STK32A: variants seen among roughly 807,000 people sequenced by gnomAD.
STK32A encodes serine/threonine kinase 32A.
A neutral mutation model predicts 53.2 loss-of-function variants in STK32A; 41 were observed. The ratio of observed to expected loss-of-function variants is 0.77; its 90% confidence interval spans 0.60 to 1.00. The LOEUF (loss-of-function observed/expected upper bound fraction) is 1.00. Ranked by LOEUF, STK32A falls within the 50% of genes least tolerant of loss-of-function variation. The pLI, the probability that STK32A is intolerant of heterozygous loss-of-function variation, is 0.00. For missense variants in STK32A, 458 were observed against 485.8 expected, an observed-to-expected ratio of 0.94 and a Z score of 0.54; for synonymous variants, 166 against 162.8, an observed-to-expected ratio of 1.02 and a Z score of -0.15.
At chr5:147,397,322 G>A in the STK32A span, among the ~76,000 whole-genome samples, 5 of 151,592 alleles carry the variant, frequency 3.3e-5, no homozygotes, top group African/African-American at 4.9e-5. Flanking sequence ...GGGATGTGTC[G>A]GTGTGGATTC....
At chr5:147,294,948 G>A (rs1752798661) in intron 4 of STK32A, among the ~76,000 whole-genome samples, 1 of 152,174 alleles carries the variant, frequency 6.6e-6, no homozygotes, top group Admixed American at 6.5e-5. Flanking sequence ...CTCCCAAAGT[G>A]CTGGGATAAC....
intron 4 of STK32A, among the ~76,000 whole-genome samples, chr5:147,298,641 G>C (rs9285666): frequency 6.6e-6 from 1 of 151,680 alleles, no homozygotes; most frequent in East Asian, 1.9e-4. Flanking sequence ...TAAAAACTAC[G>C]CTTGTTTTTT....
intron 11 of STK32A, among the ~76,000 whole-genome samples, chr5:147,378,049 T>A (rs1022975893): frequency 6.6e-6 from 1 of 152,176 alleles, no homozygotes; most frequent in South Asian, 2.1e-4. Flanking sequence ...ACATTAAGGC[T>A]TTTAAAACAT....
chr5:147,312,537 C>T (rs745975749), intron 4 of STK32A, among the ~76,000 whole-genome samples: 1 of 152,144 alleles, frequency 6.6e-6, no homozygotes, highest in Non-Finnish European at 1.5e-5. Context: ...TGGATAAACA[C>T]ACAAAATACA....
chr5:147,249,252 C>T lies in STK32A; in HGVS notation c.52+9566C>T, dbSNP rs1017356118. ...GAGAACCTAGGTAAGTGACTTACCT[C>T]TCTGATCCCCCATTTTCTCATATGT... On this transcript the variant is annotated intron_variant, in intron 2 of 12. Transcript: ENST00000397936. Among the ~76,000 whole-genome samples the T allele has an allele frequency of 2.0e-5, 3 of 152,092 alleles. No individual in the cohort carries two copies. In the South Asian group the frequency reaches 6.2e-4, roughly 32 times the overall value.
intron 4 of STK32A, 106 bp from the exon 5 acceptor site, chr5:147,323,792 C>T: frequency 2.0e-6 from 2 of 983,828 alleles, no homozygotes; most frequent in Admixed American, 2.7e-5. Flanking sequence ...AGTCTGAGCT[C>T]TTAGCTCAAG....
chr5:147,249,042 G>A (rs1401422427), intron 2 of STK32A, among the ~76,000 whole-genome samples: 1 of 152,256 alleles, frequency 6.6e-6, no homozygotes, highest in East Asian at 1.9e-4. Flanking sequence ...ACTCTCTGTG[G>A]ACAAGTAGCA....
intron 11 of STK32A, among the ~76,000 whole-genome samples, chr5:147,378,859 TTTTTTTTTTTTTTTTTTTTTTTG>T (rs1757339499): frequency 8.0e-6 from 1 of 124,716 alleles, no homozygotes; most frequent in Non-Finnish European, 1.7e-5. Context: ...TTTTTTTTTT[TTTTTTTTTTTTTTTTTTTTTTTG>T]CTTAGGATTG....
rs925040610 is a variant in STK32A, at chr5:147,350,155, C to A, written c.473-910C>A. 3.9e-4 allele frequency among the ~76,000 whole-genome samples: 46 copies of A among 118,390 alleles called. 1 individual carries two copies. The highest frequency in any genetic ancestry group is 1.3e-3 in the African/African-American group (42 of 31,386). 77.7% of individuals were successfully genotyped at this position (118,390 alleles called of 152,430 possible). ...AATTTAAAAAAAACCTAAAGTTAAA[C>A]CCCGCCCCCCACCCACCGCCCCCCG... On this transcript the variant is annotated intron_variant, in intron 6 of 12. Coordinates refer to ENST00000397936, the MANE Select transcript of STK32A (RefSeq NM_001112724.2).
chr5:147,257,387 T>A (rs185818340), intron 2 of STK32A, among the ~76,000 whole-genome samples: 122 of 152,136 alleles, frequency 8.0e-4, no homozygotes, highest in Admixed American at 2.1e-3. Flanking sequence ...AATAGAGAGG[T>A]GTCTTTGACT....
intron 2 of STK32A, among the ~76,000 whole-genome samples, chr5:147,244,835 G>T (rs1197868421): frequency 1.3e-5 from 2 of 152,144 alleles, no homozygotes; most frequent in East Asian, 3.8e-4. Context: ...AATAAATAAT[G>T]CAAGTAAAAC....
chr5:147,391,982 A>C (rs1360925605), downstream of STK32A: 1 of 152,234 alleles, frequency 6.6e-6, no homozygotes, highest in African/African-American at 2.4e-5. Flanking sequence ...GAGTAACAGC[A>C]GAGCAGAGAG....
At chr5:147,268,902 A>T (rs1754917836) in intron 2 of STK32A, among the ~76,000 whole-genome samples, 1 of 152,150 alleles carries the variant, frequency 6.6e-6, no homozygotes, top group Non-Finnish European at 1.5e-5. Context: ...AGAAATATGA[A>T]CATTGTTGTG....
chr5:147,368,629 C>T (rs984432000), intron 8 of STK32A, among the ~76,000 whole-genome samples: 1 of 151,940 alleles, frequency 6.6e-6, no homozygotes. Context: ...AATAAATATA[C>T]AATTCTGGTA....
chr5:147,260,534 GT>G (rs1482791182), intron 2 of STK32A, among the ~76,000 whole-genome samples: 3 of 151,910 alleles, frequency 2.0e-5, no homozygotes, highest in African/African-American at 7.3e-5. Flanking sequence ...AACCAGGGAT[GT>G]CTCGCCTTGC....
intron 2 of STK32A, among the ~76,000 whole-genome samples, chr5:147,271,645 C>T (rs192037652): frequency 2.4e-3 from 364 of 152,186 alleles, no homozygotes; most frequent in Non-Finnish European, 3.1e-3. Context: ...TGAGGGTGGG[C>T]CTCTAAAATG....
chr5:147,276,939 TACATGCTGCCTC>T (rs1483595500), intron 2 of STK32A, among the ~76,000 whole-genome samples: 5 of 152,192 alleles, frequency 3.3e-5, no homozygotes, highest in Non-Finnish European at 5.9e-5. Context: ...ATTTGTAATA[TACATGCTGCCTC>T]ACATGACTAA....
intron 7 of STK32A, among the ~76,000 whole-genome samples, chr5:147,352,039 C>T (rs182814483): frequency 1.4e-4 from 21 of 152,204 alleles, no homozygotes; most frequent in African/African-American, 4.8e-4. Flanking sequence ...CCCATGAATT[C>T]TTCTGTTTAA....
At chr5:147,309,569 G>T (rs1753587734) in intron 4 of STK32A, among the ~76,000 whole-genome samples, 4 of 152,142 alleles carry the variant, frequency 2.6e-5, no homozygotes, top group African/African-American at 7.2e-5. Context: ...ATTGGGTGAG[G>T]TATTCTCACT....
Sources: allele counts gnomAD v4.1 joint callset (sites outside exome capture counted in the v4.1 genomes callset), GRCh38; gene constraint gnomAD v4.1.1; transcripts MANE v1.5; gene names NCBI Gene and HGNC (gene_info 2026-07-23, HGNC 2026-07-21).